The following BRI3BP variants were observed in gnomAD, a reference collection of about 807,000 sequenced individuals.
BRI3BP encodes BRI3 binding protein.
In BRI3BP, 7 loss-of-function variants were observed where a neutral mutation model predicts 15.8. The ratio of observed to expected loss-of-function variants is 0.44; its 90% CI spans 0.25 to 0.83. BRI3BP has a LOEUF of 0.83. Ranked by LOEUF, BRI3BP falls within the 40% of genes least tolerant of loss-of-function variation. The pLI, the probability that BRI3BP is intolerant of heterozygous loss-of-function variation, is 0.20. For missense variants in BRI3BP, 320 were observed against 339.3 expected (o/e 0.94, Z 0.45); for synonymous variants, 192 against 163.5 (o/e 1.17, Z -1.33).
At chr12:125,044,255 C>T in the BRI3BP span, among the ~76,000 whole-genome samples, 2 of 152,020 alleles carry the variant, frequency 1.3e-5, no homozygotes, top group Non-Finnish European at 2.9e-5. Context: ...CGGGTTCAAG[C>T]GATTCTCCTG....
chr12:125,008,299 CTTTTTTTTTTT>C (rs55697100), intron 1 of BRI3BP, among the ~76,000 whole-genome samples: 67 of 99,934 alleles, frequency 6.7e-4, no homozygotes, highest in African/African-American at 2.7e-3. Flanking sequence ...CCTCTTCTTT[CTTTTTTTTTTT>C]TTTTTTTTTT....
At chr12:125,047,143 T>G in the BRI3BP span, among the ~76,000 whole-genome samples, 1 of 152,082 alleles carries the variant, frequency 6.6e-6, no homozygotes, top group African/African-American at 2.4e-5. Context: ...AATTTCAGCA[T>G]TTCTTTACTC....
chr12:125,001,503 G>T (rs544382840), intron 1 of BRI3BP, among the ~76,000 whole-genome samples: 1 of 152,260 alleles, frequency 6.6e-6, no homozygotes, highest in African/African-American at 2.4e-5. Context: ...GGGCTTACAA[G>T]CATGTGCCAC....
At chr12:125,011,203 G>A (rs1021810662) in intron 1 of BRI3BP, among the ~76,000 whole-genome samples, 8 of 151,736 alleles carry the variant, frequency 5.3e-5, no homozygotes, top group Admixed American at 1.3e-4. Context: ...AGCACTCTGC[G>A]TGATGCAGCC....
At position 125,025,205 on chromosome 12, in the gene BRI3BP, C is replaced by T. The variant is rs201418185; in HGVS notation, c.531C>T (p.Tyr177=). 54 of 1,614,110 alleles carry T rather than the reference C, an allele frequency of 3.3e-5. No individual in the cohort carries two copies. Among genetic ancestry groups the T allele is most frequent in the Non-Finnish European group, 4.2e-5 (49 of 1,180,028 alleles). The part of the protein sequence containing the change: ...SMSCVYILHK[Y]EGEPENAVLP... ...CCTGCGTGTACATCCTGCACAAGTA[C>T]GAGGGCGAGCCGGAGAACGCGGTGC... The change falls in exon 3 of 3, where the codon TAC becomes TAT. Residue 177 remains tyrosine, a synonymous_variant. Transcript: ENST00000341446.
rs1565902654 is a variant in BRI3BP at position 125,003,985 on chromosome 12, ACACACACACACACACAC to A, written c.214-8548_214-8532del. 4.8e-4 allele frequency among the ~76,000 whole-genome samples: 73 copies of A among 150,746 alleles called. 2 individuals carry two copies. Among genetic ancestry groups the A allele is most frequent in the East Asian group, 1.2e-3 (6 of 5,078 alleles). ...CACACACACACACACACACACACACACACACACACACACACACAACACACAATACCATCATTACAGCT... is the reference window on the plus strand; with the variant it reads ...CACACACACACACACACACACACACAAACACACAATACCATCATTACAGCT... On this transcript the variant is annotated intron_variant, in intron 1 of 2. Coordinates refer to ENST00000341446, the MANE Select transcript of BRI3BP (RefSeq NM_080626.6).
At chr12:125,002,457 T>TG (rs1955102618) in intron 1 of BRI3BP, among the ~76,000 whole-genome samples, 1 of 142,180 alleles carries the variant, frequency 7.0e-6, no homozygotes, top group African/African-American at 2.6e-5. Context: ...TTTTTTTTTG[T>TG]TTTGTTTTTT....
chr12:125,031,574 A>ATTTTTT (rs367625363), downstream of BRI3BP, among the ~76,000 whole-genome samples: 300 of 84,194 alleles, frequency 3.6e-3, 48 homozygotes, highest in African/African-American at 0.012. Flanking sequence ...TTTTCTTTCT[A>ATTTTTT]TTTTTTTTTT....
At chr12:125,023,300 C>CTTCCCTGACCTCATG (rs11272314) in intron 2 of BRI3BP, among the ~76,000 whole-genome samples, 73,097 of 151,854 alleles carry the variant, frequency 0.48, 19,557 homozygotes, top group African/African-American at 0.71. Context: ...CCATGAGTGC[C>CTTCCCTGACCTCATG]TTCCAAAATG....
chr12:125,025,467 C>T lies in BRI3BP; in HGVS notation c.*37C>T, dbSNP rs1449397012. 3 of 1,509,554 alleles carry T rather than the reference C, an allele frequency of 2.0e-6. No homozygotes were observed. Among genetic ancestry groups the T allele is most frequent in the South Asian group, 1.3e-5 (1 of 77,124 alleles). 93.5% of individuals were successfully genotyped at this position (1,509,554 alleles called of 1,614,324 possible). On this transcript the variant is annotated 3_prime_UTR_variant, in exon 3 of 3. Transcript: ENST00000341446. Reference sequence around the variant, plus strand: ...CCGGGCGGGTCCACAGTTACCAGCACGCTGTCTCAGAAAACGAAAACGGAG... The same window carrying T: ...CCGGGCGGGTCCACAGTTACCAGCATGCTGTCTCAGAAAACGAAAACGGAG...
At position 125,007,583 on chromosome 12, in the gene BRI3BP, G is replaced by A. The variant is rs561068011; in HGVS notation, c.214-4951G>A. On this transcript the variant is annotated intron_variant, in intron 1 of 2. Transcript: ENST00000341446. ...AAATGTAACAGGAAGAGCTGGGCAT[G>A]TAGCAGCTGCCTGTGGTCCCAGCTA... Among the ~76,000 whole-genome samples, 5 of 152,160 alleles carry A rather than the reference G, an allele frequency of 3.3e-5. No individual in the cohort carries two copies. The South Asian group carries it at 1.0e-3, about 32-fold the overall frequency.
rs886484323 is a variant in BRI3BP at position 125,029,627 on chromosome 12, G to C, written c.*4197G>C. ...ACCAGTCGGCATTACCCGCCCTTTGGTTTCTTTTGCTTTGGATTTCAGCCC... is the reference window on the plus strand; with the variant it reads ...ACCAGTCGGCATTACCCGCCCTTTGCTTTCTTTTGCTTTGGATTTCAGCCC... On this transcript the variant is annotated 3_prime_UTR_variant, in exon 3 of 3. Transcript: ENST00000341446. 6.6e-6 allele frequency: 1 copy of C among 151,482 alleles called. No homozygotes were observed. The highest frequency in any genetic ancestry group is 6.6e-5 in the Admixed American group (1 of 15,170). 9.4% of individuals were successfully genotyped at this position (151,482 alleles called of 1,614,324 possible). A position where few individuals can be genotyped will look rare whatever the true frequency, so the allele number is the denominator to read the frequency against.
chr12:125,048,565 G>A, the BRI3BP span, among the ~76,000 whole-genome samples: 1 of 151,970 alleles, frequency 6.6e-6, no homozygotes, highest in African/African-American at 2.4e-5. Context: ...TGGGGGCAGG[G>A]GGGAGGGATA....
the BRI3BP span, among the ~76,000 whole-genome samples, chr12:125,040,206 G>A: frequency 6.7e-6 from 1 of 149,524 alleles, no homozygotes; most frequent in Non-Finnish European, 1.5e-5. Context: ...AGGTTGCAGT[G>A]AGCTGAGATC....
At chr12:125,013,216 C>T (rs1013351239) in intron 2 of BRI3BP, among the ~76,000 whole-genome samples, 2 of 152,170 alleles carry the variant, frequency 1.3e-5, no homozygotes, top group African/African-American at 4.8e-5. Flanking sequence ...GTATAGTGCT[C>T]TGGCTTACTG....
At chr12:125,048,270 G>A in the BRI3BP span, among the ~76,000 whole-genome samples, 2 of 152,110 alleles carry the variant, frequency 1.3e-5, no homozygotes, top group Admixed American at 6.6e-5. Context: ...GCTCATGGGT[G>A]TCATGAGATC....
downstream of BRI3BP, among the ~76,000 whole-genome samples, chr12:125,035,387 G>A (rs1020121351): frequency 2.9e-5 from 4 of 139,042 alleles, no homozygotes; most frequent in African/African-American, 7.7e-5. Flanking sequence ...TTACTAATAG[G>A]TATTGTCTTT....
At chr12:125,020,397 TA>T (rs1955286645) in intron 2 of BRI3BP, among the ~76,000 whole-genome samples, 2 of 152,298 alleles carry the variant, frequency 1.3e-5, no homozygotes, top group Middle Eastern at 6.8e-3. Flanking sequence ...GACCTCTTTA[TA>T]AGGGCACTAA....
chr12:125,005,726 C>G (rs183209567), intron 1 of BRI3BP, among the ~76,000 whole-genome samples: 1 of 151,404 alleles, frequency 6.6e-6, no homozygotes, highest in Non-Finnish European at 1.5e-5. Context: ...TGCAGTGAGC[C>G]GAGATCGCGC....
Sources: allele counts gnomAD v4.1 joint callset (sites outside exome capture counted in the v4.1 genomes callset), GRCh38; gene constraint gnomAD v4.1.1; transcripts MANE v1.5; gene names NCBI Gene and HGNC (gene_info 2026-07-23, HGNC 2026-07-21).